MTA3: variants seen among roughly 807,000 people sequenced by gnomAD.
MTA3 encodes metastasis-associated protein MTA3.
A neutral mutation model predicts 83.5 loss-of-function variants in MTA3; 34 were observed. That is an observed-to-expected ratio of 0.41 (90% confidence interval 0.31 to 0.54). MTA3 has a LOEUF of 0.54. MTA3 is among the 20% of genes least tolerant of loss of function. The pLI is 0.33. For synonymous variants in MTA3, 303 were observed against 252.7 expected, an observed-to-expected ratio of 1.20 and a Z score of -1.89; for missense variants, 761 against 726.4, an observed-to-expected ratio of 1.05 and a Z score of -0.55.
intron 4 of MTA3, among the ~76,000 whole-genome samples, chr2:42,622,629 C>T (rs1367069075): frequency 6.6e-6 from 1 of 151,538 alleles, no homozygotes; most frequent in African/African-American, 2.4e-5. Context: ...TAGGTATAAA[C>T]GTAAAGGAAT....
chr2:42,562,006 C>A (rs1412558757), intron 2 of MTA3, among the ~76,000 whole-genome samples: 2 of 152,136 alleles, frequency 1.3e-5, no homozygotes, highest in Non-Finnish European at 2.9e-5. Context: ...AGGGTTAGTC[C>A]TGGAGTCTCT....
chr2:42,597,211 C>T (rs544867951), intron 3 of MTA3, among the ~76,000 whole-genome samples: 1 of 151,810 alleles, frequency 6.6e-6, no homozygotes, highest in Non-Finnish European at 1.5e-5. Context: ...TACACCTGGC[C>T]ATCTTTTTAA....
chr2:42,579,429 A>ATTT (rs1553348074), intron 3 of MTA3, among the ~76,000 whole-genome samples: 1 of 140,172 alleles, frequency 7.1e-6, no homozygotes, highest in African/African-American at 2.6e-5. Context: ...ATATATATAT[A>ATTT]TTTTTTTTTT....
chr2:42,681,068 TAAGTAACTTTTGCAG>T (rs1304124942), intron 8 of MTA3, among the ~76,000 whole-genome samples: 3 of 152,176 alleles, frequency 2.0e-5, no homozygotes. Context: ...AAGCTAGACC[TAAGTAACTTTTGCAG>T]AAGTAACCTC....
chr2:42,556,140 T>C (rs1677381037), intron 2 of MTA3, among the ~76,000 whole-genome samples: 1 of 150,664 alleles, frequency 6.6e-6, no homozygotes, highest in Non-Finnish European at 1.5e-5. Context: ...TGGAGCTCCC[T>C]GGGGAAAAAA....
chr2:42,633,568 G>T (rs1243525326), intron 4 of MTA3, among the ~76,000 whole-genome samples: 1 of 151,900 alleles, frequency 6.6e-6, no homozygotes, highest in Non-Finnish European at 1.5e-5. Context: ...GACAGAGCGA[G>T]ATCCTGTCTC....
At position 42,663,289 on chromosome 2, in the gene MTA3, T is replaced by C. The variant is rs552110810; in HGVS notation, c.702+3427T>C. The stretch of plus-strand genomic sequence containing the variant: ...TGAGGTAGAGAGGGCCTGTGTGGGC[T>C]CTTGGTTCACAGCTGCAGCAGCTCA... On this transcript the variant is annotated intron_variant, in intron 8 of 16. Transcript: ENST00000405094. 7.9e-4 allele frequency among the ~76,000 whole-genome samples: 120 copies of C among 152,262 alleles called. 2 individuals are homozygous for C. Among genetic ancestry groups the C allele is most frequent in the African/African-American group, 2.7e-3 (114 of 41,552 alleles).
In MTA3 at chr2:42,586,682, A is replaced by G. The variant is rs1219691343; in HGVS notation, c.190+7482A>G. On this transcript the variant is annotated intron_variant, in intron 3 of 16. Coordinates refer to ENST00000405094, the MANE Select transcript of MTA3 (RefSeq NM_001330442.2). The stretch of plus-strand genomic sequence containing the variant: ...AGCACTTTGGGGGCCCGAGACGGGT[A>G]GATCACTTGAGGCCAGGACCAGCAT... Among the ~76,000 whole-genome samples the G allele has an allele frequency of 2.0e-5, 3 of 152,110 alleles. No homozygotes were observed. The East Asian group carries it at 5.8e-4, about 30-fold the overall frequency.
chr2:42,544,477 A>C (rs1056017148), intron 2 of MTA3, among the ~76,000 whole-genome samples: 4 of 151,982 alleles, frequency 2.6e-5, no homozygotes, highest in Admixed American at 1.3e-4. Flanking sequence ...CAAAAACAAA[A>C]AAAAAAACAT....
intron 3 of MTA3, among the ~76,000 whole-genome samples, chr2:42,598,916 G>T (rs1422254046): frequency 6.6e-6 from 1 of 152,180 alleles, no homozygotes; most frequent in Admixed American, 6.5e-5. Context: ...CTTTTCTAGA[G>T]TTGTGCTAGT....
intron 4 of MTA3, chr2:42,613,628 C>G (rs1412760867): frequency 1.3e-5 from 2 of 152,328 alleles, no homozygotes; most frequent in East Asian, 3.9e-4. Flanking sequence ...GTTTTACTCT[C>G]AGGGACACTA....
At chr2:42,698,249 G>C (rs954519806) in intron 11 of MTA3, among the ~76,000 whole-genome samples, 4 of 152,050 alleles carry the variant, frequency 2.6e-5, no homozygotes, top group Non-Finnish European at 2.9e-5. Flanking sequence ...GGTTCCAATG[G>C]CAATTAGAAC....
At chr2:42,606,949 A>G (rs1473978627) in intron 3 of MTA3, among the ~76,000 whole-genome samples, 1 of 150,228 alleles carries the variant, frequency 6.7e-6, no homozygotes, top group Non-Finnish European at 1.5e-5. Flanking sequence ...CGTGCCTGCA[A>G]TCGCAGGCAT....
chr2:42,667,570 TTGTGTGTG>T (rs1553379043), intron 8 of MTA3, among the ~76,000 whole-genome samples: 17 of 145,008 alleles, frequency 1.2e-4, no homozygotes, highest in African/African-American at 1.8e-4. Context: ...CATTTAAAAA[TTGTGTGTG>T]TGTGTGTGTG....
intron 14 of MTA3, among the ~76,000 whole-genome samples, chr2:42,718,323 C>T (rs1040155809): frequency 2.6e-5 from 4 of 151,910 alleles, no homozygotes; most frequent in Non-Finnish European, 5.9e-5. Context: ...TCTTGGCTCA[C>T]CGCAATGTCC....
At chr2:42,512,954 A>G (rs1054213530) in intron 2 of MTA3, among the ~76,000 whole-genome samples, 4 of 152,172 alleles carry the variant, frequency 2.6e-5, no homozygotes, top group African/African-American at 7.2e-5. Context: ...GAAAACTCCA[A>G]TTTTAATGGC....
At chr2:42,709,373 T>G in intron 14 of MTA3, 1 of 1,148,158 alleles carries the variant, frequency 8.7e-7, no homozygotes, top group Non-Finnish European at 1.1e-6. Flanking sequence ...TTCCATGGGG[T>G]TTTGTGATGG....
At chr2:42,709,715 T>G (rs1666438211) in intron 14 of MTA3, among the ~76,000 whole-genome samples, 1 of 152,204 alleles carries the variant, frequency 6.6e-6, no homozygotes, top group Non-Finnish European at 1.5e-5. Flanking sequence ...TTTTCTGAAA[T>G]TACACATTGC....
intron 9 of MTA3, among the ~76,000 whole-genome samples, chr2:42,687,889 A>G (rs1692531526): frequency 6.6e-6 from 1 of 152,162 alleles, no homozygotes; most frequent in Non-Finnish European, 1.5e-5. Context: ...CTCTGACTCC[A>G]GGGCAAGGTG....
Sources: allele counts gnomAD v4.1 joint callset (sites outside exome capture counted in the v4.1 genomes callset), GRCh38; gene constraint gnomAD v4.1.1; transcripts MANE v1.5; gene names NCBI Gene and HGNC (gene_info 2026-07-23, HGNC 2026-07-21).